Variants in EDIL3 observed in about 807,000 individuals in gnomAD.
The protein encoded by EDIL3 is EGF-like repeat and discoidin I-like domain-containing protein 3.
Under a neutral mutation model 67.4 loss-of-function variants are expected in EDIL3, and 37 were observed. The ratio of observed to expected loss-of-function variants is 0.55; its 90% CI spans 0.42 to 0.72. The LOEUF (loss-of-function observed/expected upper bound fraction) is 0.72, where lower values mean the gene tolerates loss of function less well. EDIL3 is among the 30% of genes least tolerant of loss of function. The pLI, the probability that EDIL3 is intolerant of heterozygous loss-of-function variation, is 0.00. For missense variants in EDIL3, 527 were observed against 586.3 expected (o/e 0.90, Z 1.04); for synonymous variants, 195 against 196.3 (o/e 0.99, Z 0.05).
chr5:84,189,876 A>C (rs1024772377), intron 3 of EDIL3, among the ~76,000 whole-genome samples: 2 of 152,070 alleles, frequency 1.3e-5, no homozygotes, highest in African/African-American at 4.8e-5. Context: ...TGACAAAAAC[A>C]ATGTTGCTGC....
intron 5 of EDIL3, among the ~76,000 whole-genome samples, chr5:84,135,823 G>GTT (rs1011139079): frequency 6.7e-6 from 1 of 149,078 alleles, no homozygotes; most frequent in East Asian, 2.0e-4. Context: ...AGCTTAGAAA[G>GTT]TTTTTTTTTT....
chr5:84,299,812 T>A (rs558814453), intron 1 of EDIL3, among the ~76,000 whole-genome samples: 2 of 152,344 alleles, frequency 1.3e-5, no homozygotes, highest in East Asian at 3.9e-4. Flanking sequence ...GGTGAACATA[T>A]CTGATCAGTT....
intron 5 of EDIL3, among the ~76,000 whole-genome samples, chr5:84,134,428 A>T (rs1748052909): frequency 6.6e-6 from 1 of 152,152 alleles, no homozygotes; most frequent in Admixed American, 6.6e-5. Context: ...AAGGTTGTCA[A>T]TCATATTCCA....
intron 4 of EDIL3, among the ~76,000 whole-genome samples, chr5:84,157,945 T>G (rs1316125424): frequency 6.6e-6 from 1 of 152,096 alleles, no homozygotes; most frequent in Non-Finnish European, 1.5e-5. Flanking sequence ...GAGATTTTTC[T>G]GAAATTTTCT....
rs1211800586 is a variant in EDIL3, at chr5:84,350,639, T to C, written c.67+33669A>G. 1.1e-4 allele frequency among the ~76,000 whole-genome samples: 16 copies of C among 152,234 alleles called. No homozygotes were observed. In the South Asian group the frequency reaches 1.7e-3, roughly 16 times the overall value. ...TTCTATTATCTAGCTTTTTTAAAAA[T>C]AGTGATCCTCATATTATGCAACTTT... is the stretch of plus-strand genomic sequence containing the variant. On this transcript the variant is annotated intron_variant, in intron 1 of 10. Transcript: ENST00000296591.
intron 1 of EDIL3, among the ~76,000 whole-genome samples, chr5:84,358,507 C>G (rs1747532639): frequency 6.7e-6 from 1 of 149,634 alleles, no homozygotes; most frequent in African/African-American, 2.5e-5. Context: ...CTCTCAGTGT[C>G]ATACCCAGTC....
At chr5:84,341,934 A>G (rs1747125159) in intron 1 of EDIL3, among the ~76,000 whole-genome samples, 1 of 152,074 alleles carries the variant, frequency 6.6e-6, no homozygotes, top group Non-Finnish European at 1.5e-5. Flanking sequence ...ACATTAAATA[A>G]CTTATCACAT....
intron 9 of EDIL3, among the ~76,000 whole-genome samples, chr5:83,999,032 G>A (rs1189393589): frequency 6.6e-6 from 1 of 152,106 alleles, no homozygotes; most frequent in Non-Finnish European, 1.5e-5. Flanking sequence ...GGACCATCAA[G>A]GTGGTACCTC....
rs545068043 is a variant in EDIL3 at position 84,070,860 on chromosome 5, G to A, written c.652-4254C>T. Among the ~76,000 whole-genome samples, 3 of 152,292 alleles carry A rather than the reference G, an allele frequency of 2.0e-5. No individual in the cohort carries two copies. The East Asian group carries it at 5.8e-4, about 29-fold the overall frequency. On this transcript the variant is annotated intron_variant, in intron 6 of 10. Coordinates refer to ENST00000296591, the MANE Select transcript of EDIL3 (RefSeq NM_005711.5). ...GTAAGTGGAAATTTGAGATCCCAGT[G>A]TATGTTTGTGTAGCTGGGGTTTATT...
At chr5:84,193,256 G>A (rs961034142) in intron 3 of EDIL3, among the ~76,000 whole-genome samples, 4 of 151,890 alleles carry the variant, frequency 2.6e-5, no homozygotes, top group East Asian at 1.9e-4. Context: ...TTGTCCAGGC[G>A]AAGTGTGATA....
intron 2 of EDIL3, among the ~76,000 whole-genome samples, chr5:84,241,589 T>C (rs1430249026): frequency 6.6e-6 from 1 of 151,338 alleles, no homozygotes; most frequent in Admixed American, 6.6e-5. Flanking sequence ...TGAAATGAAG[T>C]GATTTGTCAA....
At chr5:84,279,476 T>C (rs1317031572) in intron 1 of EDIL3, among the ~76,000 whole-genome samples, 2 of 152,222 alleles carry the variant, frequency 1.3e-5, no homozygotes, top group Non-Finnish European at 2.9e-5. Context: ...AATCACTGTA[T>C]TTGCTAAACC....
At position 83,988,150 on chromosome 5, in the gene EDIL3, G is replaced by A. The variant is rs115108991; in HGVS notation, c.1138-24790C>T. On this transcript the variant is annotated intron_variant, in intron 9 of 10. Coordinates refer to ENST00000296591, the MANE Select transcript of EDIL3 (RefSeq NM_005711.5). The stretch of plus-strand genomic sequence containing the variant: ...TGTAAGTTCTTTCTCATAACATAAC[G>A]TGAAAAGTAACTTGACAGCATTAAG... Among the ~76,000 whole-genome samples the A allele has an allele frequency of 7.9e-3, 1,195 of 151,980 alleles. 13 individuals are homozygous for A. The highest frequency in any genetic ancestry group is 0.027 in the African/African-American group (1,134 of 41,472).
At chr5:84,149,896 A>C (rs967395884) in intron 4 of EDIL3, among the ~76,000 whole-genome samples, 3 of 152,138 alleles carry the variant, frequency 2.0e-5, no homozygotes, top group Admixed American at 1.3e-4. Flanking sequence ...AAGACATACC[A>C]ATTGAAAATA....
chr5:84,169,176 AC>A (rs1748765665), intron 4 of EDIL3, among the ~76,000 whole-genome samples: 2 of 151,998 alleles, frequency 1.3e-5, no homozygotes, highest in South Asian at 2.1e-4. Flanking sequence ...ACAAAACATA[AC>A]AAAACTTGTT....
At chr5:83,999,000 G>T (rs147614006) in intron 9 of EDIL3, among the ~76,000 whole-genome samples, 5 of 152,236 alleles carry the variant, frequency 3.3e-5, no homozygotes, top group African/African-American at 1.2e-4. Flanking sequence ...GTAATCCATA[G>T]AATTCTCCTG....
chr5:84,095,100 A>G (rs1747240621), intron 6 of EDIL3, among the ~76,000 whole-genome samples: 1 of 152,114 alleles, frequency 6.6e-6, no homozygotes, highest in African/African-American at 2.4e-5. Flanking sequence ...TTTTTATTTT[A>G]TTTATTTATA....
intron 1 of EDIL3, among the ~76,000 whole-genome samples, chr5:84,292,267 G>T: frequency 6.6e-6 from 1 of 151,830 alleles, no homozygotes; most frequent in East Asian, 1.9e-4. Context: ...ACAATAATTG[G>T]AAATATCAAT....
chr5:84,088,390 T>C (rs946921308), intron 6 of EDIL3, among the ~76,000 whole-genome samples: 1 of 152,228 alleles, frequency 6.6e-6, no homozygotes, highest in African/African-American at 2.4e-5. Flanking sequence ...GTTTGTTGTT[T>C]GTTTTGTTTT....
Sources: gnomAD v4.1 joint callset for allele counts (sites outside exome capture counted in the v4.1 genomes callset) on GRCh38, gnomAD v4.1.1 for gene constraint, MANE v1.5 for transcripts, NCBI Gene and HGNC (gene_info 2026-07-23, HGNC 2026-07-21) for gene names.